Variants in NUP98 observed in about 807,000 individuals in gnomAD.
NUP98 encodes nuclear pore complex protein Nup98-Nup96.
Under a neutral mutation model 191.9 loss-of-function variants are expected in NUP98, and 26 were observed. That is an observed-to-expected ratio of 0.14 (90% CI 0.10 to 0.19). The LOEUF (loss-of-function observed/expected upper bound fraction) is 0.19. Ranked by LOEUF, NUP98 falls within the 10% of genes least tolerant of loss-of-function variation. The pLI is 1.00. For missense variants in NUP98, 1,941 were observed against 2,178.8 expected (o/e 0.89, Z 2.17); for synonymous variants, 808 against 778.4 (o/e 1.04, Z -0.63).
chr11:3,750,384 CCTCATCCAGCT>C (rs1212006377), intron 11 of NUP98, among the ~76,000 whole-genome samples: 1 of 152,172 alleles, frequency 6.6e-6, no homozygotes, highest in Non-Finnish European at 1.5e-5. Flanking sequence ...GCATGAGCCA[CCTCATCCAGCT>C]CTAAATAGCG....
chr11:3,752,663 G>A (rs1021966568), intron 11 of NUP98, among the ~76,000 whole-genome samples: 2 of 151,620 alleles, frequency 1.3e-5, no homozygotes, highest in Non-Finnish European at 1.5e-5. Flanking sequence ...GACCACACCT[G>A]CAGTCAAACG....
intron 8 of NUP98, among the ~76,000 whole-genome samples, chr11:3,768,257 T>C (rs1469285252): frequency 6.6e-6 from 1 of 151,798 alleles, no homozygotes; most frequent in Non-Finnish European, 1.5e-5. Flanking sequence ...CCATCTGTAC[T>C]AAAAACACAA....
At chr11:3,737,201 T>C (rs2080096563) in intron 12 of NUP98, among the ~76,000 whole-genome samples, 1 of 151,694 alleles carries the variant, frequency 6.6e-6, no homozygotes, top group African/African-American at 2.4e-5. Context: ...TTATAAACAT[T>C]TACAAATAAA....
chr11:3,679,482 C>T, intron 31 of NUP98, 72 bp downstream of exon 31: 1 of 1,547,008 alleles, frequency 6.5e-7, no homozygotes, highest in Non-Finnish European at 8.9e-7. Flanking sequence ...ATACTAAGGC[C>T]TTGTGAGGTA....
chr11:3,734,117 C>A (rs1382833175), intron 13 of NUP98, among the ~76,000 whole-genome samples: 2 of 151,610 alleles, frequency 1.3e-5, no homozygotes, highest in Non-Finnish European at 2.9e-5. Context: ...CTCACTGCAA[C>A]CTCTGCCTCC....
intron 1 of NUP98, among the ~76,000 whole-genome samples, chr11:3,784,114 T>C (rs981231594): frequency 6.6e-6 from 1 of 152,188 alleles, no homozygotes; most frequent in Non-Finnish European, 1.5e-5. Context: ...ACACAATGTA[T>C]GTAAAGAGTA....
At chr11:3,705,666 G>T (rs955137602) in intron 21 of NUP98, among the ~76,000 whole-genome samples, 2 of 152,134 alleles carry the variant, frequency 1.3e-5, no homozygotes, top group African/African-American at 4.8e-5. Context: ...ACACCAAAAG[G>T]CACTGGGATA....
intron 5 of NUP98, 33 bp from the exon 6 acceptor site, chr11:3,773,772 C>A (rs1434693353): frequency 1.0e-5 from 13 of 1,281,454 alleles, no homozygotes; most frequent in Non-Finnish European, 1.4e-5. Flanking sequence ...ATTTGTAGGT[C>A]CAAGTTTTAC....
At chr11:3,705,432 A>C in intron 21 of NUP98, 76 bp from the exon 22 acceptor site, 1 of 1,426,326 alleles carries the variant, frequency 7.0e-7, no homozygotes, top group Non-Finnish European at 9.7e-7. Flanking sequence ...TGCAGTTTAC[A>C]ACAACCAAAA....
chr11:3,703,756 C>A (rs766992903), intron 22 of NUP98, among the ~76,000 whole-genome samples: 7 of 152,032 alleles, frequency 4.6e-5, no homozygotes, highest in Non-Finnish European at 8.8e-5. Context: ...CTACAGTCAA[C>A]GAAATAAAAA....
chr11:3,689,473 G>A (rs1272057443), intron 28 of NUP98, among the ~76,000 whole-genome samples: 1 of 151,984 alleles, frequency 6.6e-6, no homozygotes, highest in Non-Finnish European at 1.5e-5. Context: ...CTTGCAGTGA[G>A]CTGAGATTGC....
chr11:3,705,045 A>G (rs775036248), intron 22 of NUP98, among the ~76,000 whole-genome samples, 155 bp downstream of exon 22: 8 of 152,192 alleles, frequency 5.3e-5, no homozygotes, highest in South Asian at 2.1e-4. Flanking sequence ...ATGAATACTT[A>G]TAAGTACAAT....
intron 4 of NUP98, among the ~76,000 whole-genome samples, chr11:3,776,709 G>A (rs2081744459): frequency 6.6e-6 from 1 of 150,946 alleles, no homozygotes. Flanking sequence ...AGCCAGGATG[G>A]TCTCGATCTC....
intron 10 of NUP98, among the ~76,000 whole-genome samples, chr11:3,756,201 T>TA (rs2080953690): frequency 6.6e-6 from 1 of 152,122 alleles, no homozygotes; most frequent in Admixed American, 6.6e-5. Context: ...TACAGTCCCA[T>TA]AAGCAGCAGA....
chr11:3,793,939 A>C lies in NUP98; in HGVS notation c.-29+3461T>G, dbSNP rs369184518. Among the ~76,000 whole-genome samples, 414 of 152,244 alleles carry C rather than the reference A, an allele frequency of 2.7e-3. 3 individuals are homozygous for C. The highest frequency in any genetic ancestry group is 9.1e-3 in the African/African-American group (377 of 41,548). ...AGCCAAGATCACATCATTGCACTCC[A>C]GCCGGGGCAACAAGAGCGAAACTCT... On this transcript the variant is annotated intron_variant, in intron 1 of 32. Coordinates refer to ENST00000324932, the MANE Select transcript of NUP98 (RefSeq NM_016320.5).
Position 3,739,751 on chromosome 11 carries a change from C to G in NUP98, c.1409-4427G>C, listed in dbSNP as rs567766747. 8.5e-5 allele frequency among the ~76,000 whole-genome samples: 13 copies of G among 152,114 alleles called. No individual in the cohort carries two copies. In the South Asian group the frequency reaches 2.5e-3, roughly 29 times the overall value. ...CAAATTTCTAGGGGAAAGATGTGGA[C>G]AGAGGACTGATCAAGCAGGATACAG... On this transcript the variant is annotated intron_variant, in intron 12 of 32. Coordinates refer to ENST00000324932, the MANE Select transcript of NUP98 (RefSeq NM_016320.5).
At chr11:3,792,472 G>A (rs147565067) in intron 1 of NUP98, among the ~76,000 whole-genome samples, 72 of 151,810 alleles carry the variant, frequency 4.7e-4, no homozygotes, top group African/African-American at 1.7e-3. Context: ...TTAGCCAGAT[G>A]TGGTGGTACA....
intron 11 of NUP98, among the ~76,000 whole-genome samples, chr11:3,751,822 GCACTC>G (rs1349451803): frequency 3.3e-5 from 5 of 152,076 alleles, no homozygotes; most frequent in Non-Finnish European, 7.4e-5. Context: ...TCATGCCAAT[GCACTC>G]CACCCTGGGT....
At chr11:3,765,508 A>T (rs1474955824) in intron 8 of NUP98, among the ~76,000 whole-genome samples, 5 of 152,136 alleles carry the variant, frequency 3.3e-5, no homozygotes, top group Non-Finnish European at 7.3e-5. Context: ...TAGAAATCTG[A>T]TCAATTTGTG....
Sources: allele counts gnomAD v4.1 joint callset (sites outside exome capture counted in the v4.1 genomes callset), GRCh38; gene constraint gnomAD v4.1.1; transcripts MANE v1.5; gene names NCBI Gene and HGNC (gene_info 2026-07-23, HGNC 2026-07-21).